The following PLA2R1 variants were observed in gnomAD, a reference collection of about 807,000 sequenced individuals.
PLA2R1 encodes phospholipase A2 receptor 1, also known as secretory phospholipase A2 receptor.
Under a neutral mutation model 195.9 loss-of-function variants are expected in PLA2R1, and 158 were observed. The observed-to-expected ratio is 0.81, with a 90% CI of 0.71 to 0.92. The LOEUF is 0.92. Among genes scored for constraint, PLA2R1 ranks in the 40% least tolerant of loss-of-function variants. The pLI is 0.00. For missense variants in PLA2R1, 1,626 were observed against 1,764.6 expected (o/e 0.92, Z 1.41); for synonymous variants, 586 against 598.2 (o/e 0.98, Z 0.30).
At chr2:159,930,215 T>C (rs570843950), downstream of PLA2R1, among the ~76,000 whole-genome samples, 10 of 152,236 alleles carry the variant, frequency 6.6e-5, no homozygotes, top group Admixed American at 2.0e-4. Context: ...GAGGCCATCC[T>C]GGCTAACACG....
At chr2:159,962,054 A>G (rs1322680290) in intron 20 of PLA2R1, among the ~76,000 whole-genome samples, 1 of 152,202 alleles carries the variant, frequency 6.6e-6, no homozygotes, top group African/African-American at 2.4e-5. Context: ...TAAATTAAAG[A>G]GCTTCTGCAC....
downstream of PLA2R1, among the ~76,000 whole-genome samples, chr2:159,930,502 C>G (rs1249146192): frequency 1.3e-5 from 2 of 152,058 alleles, no homozygotes; most frequent in African/African-American, 4.8e-5. Flanking sequence ...AAAAAACTTA[C>G]TCATGTAACC....
rs370319482 is a variant in PLA2R1 at position 159,967,554 on chromosome 2, T to C, written c.2889A>G (p.Leu963=). Residue 963 remains leucine, a synonymous_variant, in exon 20 of 30, where the codon CTA becomes CTG. Coordinates refer to ENST00000283243, the MANE Select transcript of PLA2R1 (RefSeq NM_007366.5). ...KQHGTCPKGW[L]YFNYKCLLLN... ...ACAAGCTTACCTTATAGTTAAAATA[T>C]AGCCATCCTTTGGGACACGTTCCAT... 58 of 1,613,584 alleles carry C rather than the reference T, an allele frequency of 3.6e-5. 1 individual carries two copies. The African/African-American group carries it at 3.9e-4, about 11-fold the overall frequency.
At chr2:160,025,070 T>C (rs975251391) in intron 6 of PLA2R1, among the ~76,000 whole-genome samples, 2 of 152,182 alleles carry the variant, frequency 1.3e-5, no homozygotes, top group African/African-American at 4.8e-5. Context: ...CCGTGCCCTG[T>C]TCCCTGGAGC....
intron 13 of PLA2R1, among the ~76,000 whole-genome samples, chr2:159,981,507 T>A (rs149670415): frequency 6.6e-6 from 1 of 151,990 alleles, no homozygotes. Context: ...CCAGGCTCAA[T>A]TGATACTCCC....
rs1328411718 is a variant in PLA2R1, at chr2:159,937,834, C to T, written c.*3944G>A. 6.6e-6 allele frequency: 1 copy of T among 152,214 alleles called. No homozygotes were observed. The highest frequency in any genetic ancestry group is 1.5e-5 in the Non-Finnish European group (1 of 68,034). The allele number at this position is 152,214 out of a possible 1,614,324, so 9.4% of individuals were successfully genotyped here. On this transcript the variant is annotated 3_prime_UTR_variant, in exon 30 of 30. Coordinates refer to ENST00000283243, the MANE Select transcript of PLA2R1 (RefSeq NM_007366.5). ...AAAAATGTCCTAACACAGAGAAAGA[C>T]GTGAGGATCTACAGAATGAGTTTAC...
At position 159,951,479 on chromosome 2, in the gene PLA2R1, G is replaced by C. The variant is rs749389715; in HGVS notation, c.3401C>G (p.Thr1134Ser). Residue 1134 changes from threonine to serine, a missense_variant, in exon 24 of 30, where the codon ACT (threonine) becomes AGT (serine). By Grantham distance (58) the Thr-to-Ser change is moderately conservative. Coordinates refer to ENST00000283243, the MANE Select transcript of PLA2R1 (RefSeq NM_007366.5). ...GCAGGTTTTTATTGCTGCATACCAA[G>C]TCATATTTGCATTAATTATTTTGTA... ...RTYKIINANMTWYAAIKTCLM... is the reference protein window; with the variant it reads ...RTYKIINANMSWYAAIKTCLM... The C allele has an allele frequency of 2.0e-5, 32 of 1,609,670 alleles. No individual in the cohort carries two copies. The highest frequency in any genetic ancestry group is 2.6e-5 in the Non-Finnish European group (31 of 1,175,996).
intron 11 of PLA2R1, among the ~76,000 whole-genome samples, chr2:159,990,878 C>T (rs1368553792): frequency 7.0e-6 from 1 of 142,872 alleles, no homozygotes; most frequent in Non-Finnish European, 1.5e-5. Context: ...TTTGGGTCTA[C>T]TGTGAGACAG....
At chr2:159,948,373 T>C (rs934523568) in intron 25 of PLA2R1, among the ~76,000 whole-genome samples, 1 of 151,876 alleles carries the variant, frequency 6.6e-6, no homozygotes, top group Non-Finnish European at 1.5e-5. Context: ...TAGCTAGGAC[T>C]ATAGGCACGT....
chr2:160,025,784 G>A (rs1693479487), intron 6 of PLA2R1, among the ~76,000 whole-genome samples: 1 of 151,984 alleles, frequency 6.6e-6, no homozygotes, highest in African/African-American at 2.4e-5. Flanking sequence ...TTACCTATCG[G>A]AATAATTACT....
chr2:160,018,547 T>C (rs1692909287), intron 8 of PLA2R1, among the ~76,000 whole-genome samples: 1 of 152,020 alleles, frequency 6.6e-6, no homozygotes, highest in African/African-American at 2.4e-5. Flanking sequence ...CATGAGAATC[T>C]CTTGAATCCA....
intron 10 of PLA2R1, among the ~76,000 whole-genome samples, chr2:160,008,902 A>T (rs1335597244): frequency 6.6e-6 from 1 of 152,352 alleles, no homozygotes; most frequent in East Asian, 1.9e-4. Context: ...TTGAATAGAC[A>T]TTTCTCCAAA....
At chr2:159,981,551 G>C (rs1227644722) in intron 13 of PLA2R1, among the ~76,000 whole-genome samples, 1 of 151,944 alleles carries the variant, frequency 6.6e-6, no homozygotes, top group Non-Finnish European at 1.5e-5. Flanking sequence ...GACTACAGAT[G>C]TGTGCCACTA....
Position 160,011,970 on chromosome 2 carries a change from T to TTG in PLA2R1, c.1664+1291_1664+1292dup, listed in dbSNP as rs991818555. On this transcript the variant is annotated intron_variant, in intron 10 of 29. Coordinates refer to ENST00000283243, the MANE Select transcript of PLA2R1 (RefSeq NM_007366.5). ...TGTGTGTGTGTGTGCGTGTGTCTGT[T>TTG]TGTGTGTGTGTGTATGCATTCCTGT... is the stretch of plus-strand genomic sequence containing the variant. Among the ~76,000 whole-genome samples, 11 of 151,390 alleles carry TTG rather than the reference T, an allele frequency of 7.3e-5. No homozygotes were observed. The East Asian group carries it at 9.7e-4, about 13-fold the overall frequency.
At chr2:160,042,800 CGTGTGTGTGTGTGTGTGTGTGTGTGT>C (rs111414981) in intron 2 of PLA2R1, among the ~76,000 whole-genome samples, 7 of 119,608 alleles carry the variant, frequency 5.9e-5, no homozygotes, top group Non-Finnish European at 1.1e-4. Context: ...TGTGTGTGTG[CGTGTGTGTGTGTGTGTGTGTGTGTGT>C]GTGTGTGTGT....
Position 160,013,281 on chromosome 2 carries a change from A to G in PLA2R1, c.1646T>C (p.Leu549Pro). Reference protein sequence around the residue: ...ASSGYYCPPALVTITNRFEQA... With the variant: ...ASSGYYCPPAPVTITNRFEQA... The stretch of plus-strand genomic sequence containing the variant: ...AATTTACCTGTTTGTAATGGTTACA[A>G]GTGCAGGAGGACAGTAATAACCGCT... The change falls in exon 10 of 30, where the codon CTT becomes CCT. Residue 549 changes from leucine to proline, a missense_variant. Coordinates refer to ENST00000283243, the MANE Select transcript of PLA2R1 (RefSeq NM_007366.5). 1 of 1,595,544 alleles carries G rather than the reference A, an allele frequency of 6.3e-7. No homozygotes were observed. Among genetic ancestry groups the G allele is most frequent in the Non-Finnish European group, 8.6e-7 (1 of 1,163,668 alleles).
chr2:159,966,843 A>G (rs1688821361), intron 20 of PLA2R1, among the ~76,000 whole-genome samples: 1 of 152,220 alleles, frequency 6.6e-6, no homozygotes. Context: ...AGGCCTATAA[A>G]GTTATTTTAT....
rs769884930 is a variant in PLA2R1, at chr2:160,042,086, C to T, written c.606G>A (p.Leu202=). 1.2e-6 allele frequency: 2 copies of T among 1,614,208 alleles called. No homozygotes were observed. Among genetic ancestry groups the T allele is most frequent in the Non-Finnish European group, 1.7e-6 (2 of 1,180,008 alleles). The change falls in exon 3 of 30, where the codon CTG becomes CTA. Residue 202 remains leucine (L), a synonymous_variant. Transcript: ENST00000283243. ...CATAACGGCTTGTCGTGGCACACCACAGTAAGTCATCTTCCCGACCTTCAC... is the reference window on the plus strand; with the variant it reads ...CATAACGGCTTGTCGTGGCACACCATAGTAAGTCATCTTCCCGACCTTCAC... ...CTREGREDDL[L]WCATTSRYER...
Position 160,040,724 on chromosome 2 carries a change from G to T in PLA2R1, c.667+1301C>A, listed in dbSNP as rs184885974. ...GAGGATCCTAAGTCCTAAAACTCTTGGCATTCACCACTATGCATAGCTTAG... is the reference window on the plus strand; with the variant it reads ...GAGGATCCTAAGTCCTAAAACTCTTTGCATTCACCACTATGCATAGCTTAG... On this transcript the variant is annotated intron_variant, in intron 3 of 29. Coordinates refer to ENST00000283243, the MANE Select transcript of PLA2R1 (RefSeq NM_007366.5). 3.3e-5 allele frequency among the ~76,000 whole-genome samples: 5 copies of T among 152,288 alleles called. No homozygotes were observed. The East Asian group carries it at 9.6e-4, about 29-fold the overall frequency.
Sources: allele counts gnomAD v4.1 joint callset (sites outside exome capture counted in the v4.1 genomes callset), GRCh38; gene constraint gnomAD v4.1.1; transcripts MANE v1.5; gene names NCBI Gene and HGNC (gene_info 2026-07-23, HGNC 2026-07-21).